Variants in MTMR8 observed in about 807,000 individuals in gnomAD.
MTMR8 encodes the protein phosphatidylinositol-3,5-bisphosphate 3-phosphatase MTMR8.
In MTMR8, 65 loss-of-function variants were observed where a neutral mutation model predicts 39.3. The observed-to-expected ratio is 1.65, with a 90% CI of 1.35 to 2.03. The LOEUF (loss-of-function observed/expected upper bound fraction) is 2.03, where lower values mean the gene tolerates loss of function less well. Among genes scored for constraint, MTMR8 ranks in the 30% most tolerant of loss-of-function variants. The probability of loss-of-function intolerance (pLI) is 0.00; values close to 1 mark genes in which losing one functional copy is unlikely to be tolerated. For missense variants in MTMR8, 777 were observed against 538.9 expected, an observed-to-expected ratio of 1.44 and a Z score of -4.37; for synonymous variants, 245 against 185.2, an observed-to-expected ratio of 1.32 and a Z score of -2.62.
chrX:64,386,211 C>A (rs759467845), intron 1 of MTMR8, among the ~76,000 whole-genome samples: 8 of 111,959 alleles, frequency 7.1e-5, no homozygotes, highest in African/African-American at 2.3e-4. Flanking sequence ...AGTGGGAACG[C>A]TCATTCTATT....
intron 12 of MTMR8, among the ~76,000 whole-genome samples, chrX:64,319,095 G>C (rs1222149235): frequency 8.9e-6 from 1 of 112,303 alleles, no homozygotes; most frequent in Non-Finnish European, 1.9e-5. Flanking sequence ...AATACTCAAA[G>C]CTAAAAAGAA....
At chrX:64,382,639 T>A (rs374984567) in intron 1 of MTMR8, among the ~76,000 whole-genome samples, 2 of 111,558 alleles carry the variant, frequency 1.8e-5, no homozygotes, top group Non-Finnish European at 3.8e-5. Context: ...TCCAACACTA[T>A]GTTGAATAGG....
At chrX:64,379,617 C>T (rs1228158805) in intron 1 of MTMR8, among the ~76,000 whole-genome samples, 1 of 111,274 alleles carries the variant, frequency 9.0e-6, no homozygotes, top group Non-Finnish European at 1.9e-5. Context: ...AATATGCATG[C>T]CTGTGTCCAA....
chrX:64,341,904 G>T (rs1216466400), intron 8 of MTMR8, among the ~76,000 whole-genome samples: 3 of 112,040 alleles, frequency 2.7e-5, no homozygotes, highest in Non-Finnish European at 5.6e-5. Context: ...TAATGTACAT[G>T]TATTGCTTTT....
chrX:64,297,376 C>T (rs1921652373), intron 12 of MTMR8, among the ~76,000 whole-genome samples: 1 of 106,755 alleles, frequency 9.4e-6, no homozygotes, highest in African/African-American at 3.4e-5. Flanking sequence ...GCATAAATGT[C>T]TTCTTTTGAG....
chrX:64,270,981 GCTCT>G lies in MTMR8; in HGVS notation c.1570_1573del (p.Arg524GlnfsTer10), dbSNP rs779934277. 8.3e-7 allele frequency: 1 copy of G among 1,209,944 alleles called. No individual in the cohort carries two copies. ...TTCATGCACATCTGTCTCCAGCATT[GCTCT>G]CTGTTTCTTAATTTCCAGGAGGCTC... On this transcript the variant is annotated frameshift_variant, in exon 13 of 14. Coordinates refer to ENST00000374852, the MANE Select transcript of MTMR8 (RefSeq NM_017677.4). LOFTEE classifies it low-confidence loss of function (END_TRUNC).
chrX:64,284,153 T>C (rs1285906111), intron 12 of MTMR8, among the ~76,000 whole-genome samples: 4 of 112,003 alleles, frequency 3.6e-5, no homozygotes, highest in Non-Finnish European at 7.5e-5. Flanking sequence ...CTGAAAACCA[T>C]GGCACAAGAA....
rs374710956 is a variant in MTMR8, at chrX:64,342,161, C to T, written c.975+1450G>A. Among the ~76,000 whole-genome samples the T allele has an allele frequency of 1.3e-4, 15 of 112,161 alleles. No individual in the cohort carries two copies. The South Asian group carries it at 1.8e-3, about 14-fold the overall frequency. On this transcript the variant is annotated intron_variant, in intron 8 of 13. Transcript: ENST00000374852. ...ATAACTTTAGTAGCAATTTGGTTCC[C>T]GAACTAAAGAGTAACTACTAGAGAC...
chrX:64,335,239 C>T (rs1371737352), intron 10 of MTMR8, among the ~76,000 whole-genome samples: 1 of 110,449 alleles, frequency 9.1e-6, no homozygotes, highest in African/African-American at 3.3e-5. Flanking sequence ...TCAAGTGATT[C>T]TCCTACCTCT....
chrX:64,367,755 G>A (rs372300849), intron 1 of MTMR8, among the ~76,000 whole-genome samples: 1 of 111,487 alleles, frequency 9.0e-6, no homozygotes, highest in African/African-American at 3.3e-5. Flanking sequence ...GGAAGTTCTG[G>A]CCAGGGCAAT....
At chrX:64,322,822 G>T (rs774350563) in intron 12 of MTMR8, among the ~76,000 whole-genome samples, 1 of 112,641 alleles carries the variant, frequency 8.9e-6, no homozygotes, top group East Asian at 2.8e-4. Flanking sequence ...TGCACATTCA[G>T]GTGACTGCAG....
chrX:64,354,887 T>C lies in MTMR8; in HGVS notation c.358A>G (p.Lys120Glu). Reference protein sequence around the residue: ...YAFSYNPKSSKEMRESGWKLI... With the variant: ...YAFSYNPKSSEEMRESGWKLI... ...TTCCATCCACTTTCCCTCATCTCTT[T>C]TGAGGATTTGGGATTATAAGAAAAA... Residue 120 changes from lysine (K) to glutamate (E), a missense_variant, in exon 4 of 14, where the codon AAA becomes GAA. Physicochemically the swap from Lys to Glu is moderately conservative, Grantham distance 56 (BLOSUM62 1). Coordinates refer to ENST00000374852, the MANE Select transcript of MTMR8 (RefSeq NM_017677.4). 8.3e-7 allele frequency: 1 copy of C among 1,204,290 alleles called. No individual in the cohort carries two copies. The highest frequency in any genetic ancestry group is 1.8e-5 in the South Asian group (1 of 55,755).
rs1278390871 is a variant in MTMR8 at position 64,328,823 on chromosome X, C to A, written c.1430G>T (p.Gly477Val). The change falls in exon 12 of 14, where the codon GGC (glycine) becomes GTC (valine). Residue 477 changes from glycine (G) to valine (V), a missense_variant. Transcript: ENST00000374852. ...ATTGAGTACCCCATACATAGTGAAG[C>A]CTTTATAGAGAGGGTTCCTGAAGTC... ...KPDFRNPLYK[G>V]FTMYGVLNPS... The A allele has an allele frequency of 8.3e-7, 1 of 1,201,786 alleles. No individual in the cohort carries two copies. The highest frequency in any genetic ancestry group is 1.8e-5 in the South Asian group (1 of 55,290).
At position 64,354,853 on chromosome X, in the gene MTMR8, T is replaced by G; in HGVS notation, c.392A>C (p.Asp131Ala). The stretch of plus-strand genomic sequence containing the variant: ...CATACGCCCAAAGTCTGATATTGGG[T>G]CAATCAGTTTCCATCCACTTTCCCT... ...EMRESGWKLI[D>A]PISDFGRMGI... Residue 131 changes from aspartate (D) to alanine (A), a missense_variant, in exon 4 of 14, where the codon GAC (aspartate) becomes GCC (alanine). Transcript: ENST00000374852. 2 of 1,204,813 alleles carry G rather than the reference T, an allele frequency of 1.7e-6. No individual in the cohort carries two copies. The highest frequency in any genetic ancestry group is 2.2e-6 in the Non-Finnish European group (2 of 890,413).
chrX:64,290,470 C>T, intron 12 of MTMR8, among the ~76,000 whole-genome samples: 1 of 110,669 alleles, frequency 9.0e-6, no homozygotes, highest in East Asian at 2.8e-4. Context: ...ATAGCGTTCC[C>T]ATGGACTCTT....
At chrX:64,332,733 C>T (rs769204938) in intron 10 of MTMR8, among the ~76,000 whole-genome samples, 1 of 111,855 alleles carries the variant, frequency 8.9e-6, no homozygotes, top group East Asian at 2.8e-4. Flanking sequence ...CTTACACTAG[C>T]TCAACAGATT....
chrX:64,302,437 GCA>G (rs1921925119), intron 12 of MTMR8, among the ~76,000 whole-genome samples: 4 of 111,929 alleles, frequency 3.6e-5, no homozygotes, highest in African/African-American at 1.3e-4. Flanking sequence ...CGGACGGTGC[GCA>G]CACCCACTGG....
At chrX:64,288,328 A>C (rs1052194491) in intron 12 of MTMR8, among the ~76,000 whole-genome samples, 1 of 111,437 alleles carries the variant, frequency 9.0e-6, no homozygotes, top group African/African-American at 3.2e-5. Flanking sequence ...ATACCATCTC[A>C]CACCAGTTAC....
chrX:64,352,843 G>A (rs61463708), intron 4 of MTMR8, among the ~76,000 whole-genome samples: 9,204 of 110,935 alleles, frequency 0.083, 1,001 homozygotes, highest in African/African-American at 0.29. Flanking sequence ...TCCAGCAAAC[G>A]AATTCTCCAC....
Sources: allele counts gnomAD v4.1 joint callset (sites outside exome capture counted in the v4.1 genomes callset), GRCh38; gene constraint gnomAD v4.1.1; transcripts MANE v1.5; gene names NCBI Gene and HGNC (gene_info 2026-07-23, HGNC 2026-07-21).